Variants in TASP1 observed in about 807,000 individuals in gnomAD.
TASP1 encodes taspase 1.
Under a neutral mutation model 56.6 loss-of-function variants are expected in TASP1, and 16 were observed. The ratio of observed to expected loss-of-function variants is 0.28; its 90% CI spans 0.19 to 0.43. The LOEUF is 0.43. Among genes scored for constraint, TASP1 ranks in the 20% least tolerant of loss-of-function variants. The probability of loss-of-function intolerance (pLI) is 1.00; values close to 1 mark genes in which losing one functional copy is unlikely to be tolerated. For synonymous variants in TASP1, 179 were observed against 184.2 expected (o/e 0.97, Z 0.23); for missense variants, 393 against 511.6 (o/e 0.77, Z 2.24).
intron 4 of TASP1, among the ~76,000 whole-genome samples, chr20:13,621,611 C>A (rs182039484): frequency 1.3e-5 from 2 of 151,776 alleles, no homozygotes; most frequent in Non-Finnish European, 2.9e-5. Context: ...ACAAGTTATC[C>A]GAAACTGTAA....
chr20:13,138,779 A>G, the TASP1 span, among the ~76,000 whole-genome samples: 1 of 152,192 alleles, frequency 6.6e-6, no homozygotes, highest in East Asian at 1.9e-4. Flanking sequence ...TTTATATAAC[A>G]TACACTAGGG....
At chr20:13,288,790 T>C in the TASP1 span, 1 of 1,178,438 alleles carries the variant, frequency 8.5e-7, no homozygotes, top group Non-Finnish European at 1.2e-6. Context: ...ACTTTTCTTT[T>C]CTTTTTTTTT....
chr20:13,117,670 T>C, the TASP1 span: 1 of 1,613,912 alleles, frequency 6.2e-7, no homozygotes, highest in Middle Eastern at 1.7e-4. Context: ...GATGTGCTCA[T>C]GGGCACATTC....
chr20:13,159,870 C>T, the TASP1 span: 3 of 1,235,452 alleles, frequency 2.4e-6, no homozygotes, highest in Non-Finnish European at 3.3e-6. Flanking sequence ...CTTCAATCAT[C>T]TTCCACTTAT....
At chr20:13,630,927 T>C (rs962778055) in intron 1 of TASP1, among the ~76,000 whole-genome samples, 1 of 152,108 alleles carries the variant, frequency 6.6e-6, no homozygotes, top group Non-Finnish European at 1.5e-5. Flanking sequence ...TTCTAGTTCC[T>C]CATGTTATTT....
intron 4 of TASP1, among the ~76,000 whole-genome samples, chr20:13,602,003 A>T (rs1481007957): frequency 6.7e-6 from 1 of 149,688 alleles, no homozygotes; most frequent in Admixed American, 6.7e-5. Flanking sequence ...CAGCCTCCCG[A>T]GTAGCTGGGA....
intron 4 of TASP1, among the ~76,000 whole-genome samples, chr20:13,602,268 A>C (rs1382604002): frequency 2.0e-5 from 3 of 152,112 alleles, no homozygotes; most frequent in Non-Finnish European, 4.4e-5. Flanking sequence ...TATTCCTCAA[A>C]CAGGTTATGG....
chr20:13,477,201 C>T (rs1034520259), intron 11 of TASP1, among the ~76,000 whole-genome samples: 2 of 151,994 alleles, frequency 1.3e-5, no homozygotes, highest in Non-Finnish European at 2.9e-5. Context: ...TCTCAATTGT[C>T]GACAGCACTC....
the TASP1 span, among the ~76,000 whole-genome samples, chr20:13,196,141 G>C: frequency 6.6e-6 from 1 of 152,126 alleles, no homozygotes. Flanking sequence ...TTTTTCCTAA[G>C]TTTTGTTGTG....
intron 11 of TASP1, among the ~76,000 whole-genome samples, chr20:13,441,401 G>GT (rs2043207795): frequency 6.6e-6 from 1 of 152,172 alleles, no homozygotes; most frequent in Non-Finnish European, 1.5e-5. Context: ...CCCAATAGCA[G>GT]TAAGTGCTAT....
At chr20:13,365,258 A>G in the TASP1 span, among the ~76,000 whole-genome samples, 1 of 152,118 alleles carries the variant, frequency 6.6e-6, no homozygotes, top group African/African-American at 2.4e-5. Flanking sequence ...ATATTTGTTG[A>G]TTGCCTATTC....
chr20:13,387,517 T>C (rs546189132), downstream of TASP1, among the ~76,000 whole-genome samples: 55 of 152,204 alleles, frequency 3.6e-4, no homozygotes, highest in Non-Finnish European at 6.2e-4. Flanking sequence ...GGCTGCATAG[T>C]ATTCCATGGT....
the TASP1 span, chr20:13,154,203 C>CT: frequency 6.3e-7 from 1 of 1,592,732 alleles, no homozygotes; most frequent in Admixed American, 1.7e-5. Flanking sequence ...GGCTTTTTGG[C>CT]ACAGGCGTTA....
chr20:13,490,798 G>A (rs1041790373), intron 10 of TASP1, among the ~76,000 whole-genome samples: 1 of 151,812 alleles, frequency 6.6e-6, no homozygotes, highest in African/African-American at 2.4e-5. Context: ...GGGTTATTTA[G>A]GGCTCAGTTT....
At chr20:13,198,274 G>A in the TASP1 span, among the ~76,000 whole-genome samples, 1 of 152,012 alleles carries the variant, frequency 6.6e-6, no homozygotes, top group Non-Finnish European at 1.5e-5. Context: ...CTGTTCTGGA[G>A]ACTGGAAGTC....
At chr20:13,322,500 C>G in the TASP1 span, among the ~76,000 whole-genome samples, 1 of 152,132 alleles carries the variant, frequency 6.6e-6, no homozygotes, top group South Asian at 2.1e-4. Flanking sequence ...CTGGACCAGA[C>G]GAGGTCCATA....
At chr20:13,506,321 A>G (rs2044130933) in intron 10 of TASP1, among the ~76,000 whole-genome samples, 1 of 152,196 alleles carries the variant, frequency 6.6e-6, no homozygotes, top group Admixed American at 6.5e-5. Context: ...CAAACATTTA[A>G]AGAACTAATA....
At chr20:13,280,934 CA>C in the TASP1 span, among the ~76,000 whole-genome samples, 1 of 152,192 alleles carries the variant, frequency 6.6e-6, no homozygotes, top group Non-Finnish European at 1.5e-5. Context: ...GCTTCACCAT[CA>C]GTGGACTTTG....
At chr20:13,512,303 T>C (rs1451753191) in intron 10 of TASP1, among the ~76,000 whole-genome samples, 1 of 152,018 alleles carries the variant, frequency 6.6e-6, no homozygotes, top group Non-Finnish European at 1.5e-5. Context: ...CCATTCTAAC[T>C]GGTGTGAGAT....
Sources: allele counts gnomAD v4.1 joint callset (sites outside exome capture counted in the v4.1 genomes callset), GRCh38; gene constraint gnomAD v4.1.1; transcripts MANE v1.5; gene names NCBI Gene and HGNC (gene_info 2026-07-23, HGNC 2026-07-21).